CELF2: variants seen among roughly 807,000 people sequenced by gnomAD.
CELF2 encodes the protein CUG triplet repeat RNA-binding protein 2.
A neutral mutation model predicts 62.6 loss-of-function variants in CELF2; 8 were observed. That is an observed-to-expected ratio of 0.13 (90% CI 0.07 to 0.23). CELF2 has a LOEUF of 0.23. Among genes scored for constraint, CELF2 ranks in the 10% least tolerant of loss-of-function variants. CELF2 has a pLI of 1.00. For missense variants in CELF2, 333 were observed against 671.0 expected (o/e 0.50, Z 5.56); for synonymous variants, 258 against 250.0 (o/e 1.03, Z -0.30).
intron 2 of CELF2, among the ~76,000 whole-genome samples, chr10:11,180,144 T>C (rs968388874): frequency 2.6e-5 from 4 of 152,182 alleles, no homozygotes; most frequent in African/African-American, 9.7e-5. Flanking sequence ...GTCTGAGCCA[T>C]GATGTCTGGT....
chr10:11,294,199 A>G (rs1369398322), intron 9 of CELF2, among the ~76,000 whole-genome samples: 1 of 152,200 alleles, frequency 6.6e-6, no homozygotes, highest in Non-Finnish European at 1.5e-5. Context: ...AGGGCATTTC[A>G]CCTTCAGAAG....
intron 3 of CELF2, among the ~76,000 whole-genome samples, chr10:11,230,572 A>T (rs979263859): frequency 6.6e-6 from 1 of 152,298 alleles, no homozygotes; most frequent in Admixed American, 6.5e-5. Context: ...GGTGGGGTGG[A>T]GTAGGGCAGC....
chr10:11,181,199 G>T (rs757040428), intron 2 of CELF2, among the ~76,000 whole-genome samples: 4 of 152,270 alleles, frequency 2.6e-5, no homozygotes, highest in Middle Eastern at 3.4e-3. Context: ...TAAATATTTT[G>T]TTGGTAGCAT....
chr10:11,002,965 G>A (rs1261398448), upstream of CELF2, among the ~76,000 whole-genome samples: 1 of 152,108 alleles, frequency 6.6e-6, no homozygotes, highest in Non-Finnish European at 1.5e-5. This position sits in a 1 kb window ranked among gnomAD's most constrained non-coding sequence, Gnocchi z 4.4. Context: ...TATTCTAGTG[G>A]GTGCATTAAG....
At chr10:10,851,490 A>G (rs908110776) in intron 1 of CELF2, among the ~76,000 whole-genome samples, 3 of 152,214 alleles carry the variant, frequency 2.0e-5, no homozygotes, top group African/African-American at 7.2e-5. Flanking sequence ...TAAAACTTCT[A>G]GAAGAAAGCA....
intron 1 of CELF2, among the ~76,000 whole-genome samples, chr10:11,116,809 C>T (rs892595802): frequency 5.3e-5 from 8 of 152,134 alleles, no homozygotes; most frequent in African/African-American, 1.7e-4. Context: ...TTATGTCAGT[C>T]GGAGAAGTAC....
chr10:10,897,375 A>G (rs970635076), intron 1 of CELF2, among the ~76,000 whole-genome samples: 1 of 152,200 alleles, frequency 6.6e-6, no homozygotes, highest in African/African-American at 2.4e-5. Context: ...CAAACTTGGG[A>G]ATTTAGCTGA....
At chr10:11,215,605 T>A (rs1296935412) in intron 2 of CELF2, among the ~76,000 whole-genome samples, 1 of 138,932 alleles carries the variant, frequency 7.2e-6, no homozygotes, top group Non-Finnish European at 1.6e-5. Context: ...TTTTTTTTTT[T>A]AACTGTGGTT....
intron 1 of CELF2, among the ~76,000 whole-genome samples, chr10:10,799,010 C>G (rs1372593157): frequency 2.0e-5 from 3 of 152,142 alleles, no homozygotes; most frequent in African/African-American, 7.2e-5. Flanking sequence ...ACGTGAGGTC[C>G]TCCAATTTCA....
chr10:11,027,001 A>G (rs145316804), intron 1 of CELF2, among the ~76,000 whole-genome samples: 1 of 152,186 alleles, frequency 6.6e-6, no homozygotes, highest in Non-Finnish European at 1.5e-5. Context: ...ATATTTGGCT[A>G]TGCTGCAGCT....
chr10:10,931,718 T>A lies in CELF2; in HGVS notation c.89+11719T>A, dbSNP rs561718780. ...ATGGAGATGCTTATGGACACCACAA[T>A]GAAACCTTAAAATGAATCTCTTGAT... On this transcript the variant is annotated intron_variant, in intron 2 of 13. Transcript: ENST00000636488. This position sits in a 1 kb window ranked among gnomAD's most constrained non-coding sequence, Gnocchi z 6.1. 1.1e-3 allele frequency among the ~76,000 whole-genome samples: 161 copies of A among 152,338 alleles called. 3 individuals are homozygous for A. The South Asian group carries it at 0.03, about 28-fold the overall frequency.
At chr10:10,650,079 G>A in the CELF2 span, among the ~76,000 whole-genome samples, 4 of 152,194 alleles carry the variant, frequency 2.6e-5, no homozygotes, top group East Asian at 7.7e-4. Context: ...CAGACTATTT[G>A]ATGCTCCGCA....
chr10:10,715,389 T>C, the CELF2 span, among the ~76,000 whole-genome samples: 1 of 152,228 alleles, frequency 6.6e-6, no homozygotes, highest in African/African-American at 2.4e-5. Context: ...ATAGTTCCTT[T>C]GTTTAGCATT....
chr10:10,520,585 C>T, the CELF2 span, among the ~76,000 whole-genome samples: 1,333 of 152,084 alleles, frequency 8.8e-3, 16 homozygotes, highest in African/African-American at 0.03. Flanking sequence ...AATGAGGGCA[C>T]GCTGCTGAAG....
intron 1 of CELF2, among the ~76,000 whole-genome samples, chr10:11,066,458 C>T (rs2068197734): frequency 6.6e-6 from 1 of 152,022 alleles, no homozygotes; most frequent in Non-Finnish European, 1.5e-5. Context: ...ATAAATGATT[C>T]ACCTGAGGAC....
At chr10:10,516,760 T>C in the CELF2 span, among the ~76,000 whole-genome samples, 1 of 148,762 alleles carries the variant, frequency 6.7e-6, no homozygotes, top group Non-Finnish European at 1.5e-5. Flanking sequence ...AAAAATCACC[T>C]TGGCTGAGTT....
At chr10:10,525,689 T>C in the CELF2 span, among the ~76,000 whole-genome samples, 1 of 152,238 alleles carries the variant, frequency 6.6e-6, no homozygotes, top group African/African-American at 2.4e-5. Context: ...CTGAATAGTA[T>C]TGGGTTTTGC....
the CELF2 span, among the ~76,000 whole-genome samples, chr10:10,655,315 C>G: frequency 7.6e-6 from 1 of 131,752 alleles, no homozygotes; most frequent in Non-Finnish European, 1.7e-5. Flanking sequence ...TTTACAGATT[C>G]AATGCCATCC....
the CELF2 span, among the ~76,000 whole-genome samples, chr10:10,497,604 G>T: frequency 6.6e-6 from 1 of 152,138 alleles, no homozygotes; most frequent in Non-Finnish European, 1.5e-5. Flanking sequence ...GTGTCTAGAT[G>T]GGTGGCCAGG....
Sources: gnomAD v4.1 joint callset for allele counts (sites outside exome capture counted in the v4.1 genomes callset) on GRCh38, gnomAD v4.1.1 for gene constraint, Gnocchi (gnomAD v3.1) non-coding constraint, MANE v1.5 for transcripts, NCBI Gene and HGNC (gene_info 2026-07-23, HGNC 2026-07-21) for gene names.